Variants in MUC5AC observed in about 807,000 individuals in gnomAD.
MUC5AC encodes the protein mucin 5AC, oligomeric mucus/gel-forming.
Under a neutral mutation model 169.7 loss-of-function variants are expected in MUC5AC, and 158 were observed. The observed-to-expected ratio is 0.93, with a 90% confidence interval of 0.82 to 1.06. The LOEUF (loss-of-function observed/expected upper bound fraction) is 1.06. Ranked by LOEUF, MUC5AC falls within the 50% of genes least tolerant of loss-of-function variation. The probability of loss-of-function intolerance (pLI) is 0.00; values close to 1 mark genes in which losing one functional copy is unlikely to be tolerated. For missense variants in MUC5AC, 4,359 were observed against 3,089.9 expected, an observed-to-expected ratio of 1.41 and a Z score of -9.74; for synonymous variants, 1,975 against 1,237.0, an observed-to-expected ratio of 1.60 and a Z score of -12.52.
intron 2 of MUC5AC, 62 bp downstream of exon 2, chr11:1,160,751 A>G (rs987880419): frequency 2.6e-6 from 4 of 1,519,082 alleles, no homozygotes; most frequent in Non-Finnish European, 3.6e-6. Flanking sequence ...ACCGTGTGGC[A>G]CGGCCCCTAG....
chr11:1,165,878 C>T (rs1443021085), intron 11 of MUC5AC, 118 bp downstream of exon 11: 1 of 1,447,000 alleles, frequency 6.9e-7, no homozygotes, highest in Non-Finnish European at 9.4e-7. Context: ...CTTGGGGGTC[C>T]CCGATGTTGA....
Position 1,174,770 on chromosome 11 carries a change from C to T in MUC5AC, c.2093-112C>T, listed in dbSNP as rs960833835. ...GCGCCCAGGTCAGTGTGGCCTTGGA[C>T]CCGGCCGAGGAGGGGAGGGGAGGGT... On this transcript the variant is annotated intron_variant, in intron 17 of 48. Coordinates refer to ENST00000621226, the MANE Select transcript of MUC5AC (RefSeq NM_001304359.2). 4 of 462,912 alleles carry T rather than the reference C, an allele frequency of 8.6e-6. No homozygotes were observed. Among genetic ancestry groups the T allele is most frequent in the Non-Finnish European group, 1.5e-5 (4 of 261,248 alleles). The allele number at this position is 462,912 out of a possible 1,614,324, so 28.7% of individuals were successfully genotyped here. A position where few individuals can be genotyped will look rare whatever the true frequency, so the allele number is the denominator to read the frequency against.
In MUC5AC at chr11:1,192,938, C is replaced by T; in HGVS notation, c.14536C>T (p.Pro4846Ser). The T allele has an allele frequency of 2.7e-6, 2 of 752,594 alleles. No homozygotes were observed. The highest frequency in any genetic ancestry group is 4.9e-6 in the Non-Finnish European group (2 of 411,562). 46.6% of individuals were successfully genotyped at this position (752,594 alleles called of 1,614,324 possible). ...ATSPSISTSE[P>S]VTELGCPNAV... ...GTCCCCTTCAATATCCACCTCCGAG[C>T]CCGTCACTGAGCTGGGATGCCCAAA... Residue 4846 changes from proline (P) to serine (S), a missense_variant, in exon 32 of 49, where the codon CCC (proline) becomes TCC (serine). By Grantham distance (74) the Pro-to-Ser change is moderately conservative. Coordinates refer to ENST00000621226, the MANE Select transcript of MUC5AC (RefSeq NM_001304359.2).
At chr11:1,193,121 G>C in intron 32 of MUC5AC, 139 bp downstream of exon 32, 1 of 595,162 alleles carries the variant, frequency 1.7e-6, no homozygotes, top group Non-Finnish European at 3.0e-6. Context: ...TCAGGAGAGG[G>C]CCATGCTGTA....
intron 1 of MUC5AC, among the ~76,000 whole-genome samples, chr11:1,159,328 CG>C: frequency 6.6e-6 from 1 of 152,078 alleles, no homozygotes; most frequent in East Asian, 1.9e-4. Context: ...TGGGCTGGGC[CG>C]GGCGCCCCTC....
chr11:1,188,456 C>G lies in MUC5AC; in HGVS notation c.10311C>G (p.Ser3437Arg). 1.6e-6 allele frequency: 1 copy of G among 644,424 alleles called. No homozygotes were observed. The highest frequency in any genetic ancestry group is 1.8e-5 in the African/African-American group (1 of 55,800). 39.9% of individuals were successfully genotyped at this position (644,424 alleles called of 1,614,324 possible). Residue 3437 changes from serine (S) to arginine (R), a missense_variant, in exon 31 of 49, where the codon AGC (serine) becomes AGG (arginine). Physicochemically the swap from Ser to Arg is moderately radical, Grantham distance 110 (BLOSUM62 -1). Coordinates refer to ENST00000621226, the MANE Select transcript of MUC5AC (RefSeq NM_001304359.2). ...GCATAATCTCTGCCCCTACAACCAG[C>G]ACAACCTCTTCCCCTACAACCAGCA... ...TTSIISAPTTSTTSSPTTSTT... is the reference protein window; with the variant it reads ...TTSIISAPTTRTTSSPTTSTT...
chr11:1,165,168 G>T, intron 9 of MUC5AC, 134 bp from the exon 10 acceptor site: 1 of 814,066 alleles, frequency 1.2e-6, no homozygotes, highest in Non-Finnish European at 1.9e-6. Flanking sequence ...CCTGAGGCTG[G>T]CTGAGGCCCC....
intron 43 of MUC5AC, among the ~76,000 whole-genome samples, chr11:1,198,563 G>A (rs1332704664): frequency 2.6e-5 from 4 of 152,150 alleles, no homozygotes; most frequent in Non-Finnish European, 4.4e-5. Context: ...CCACAGCACA[G>A]CCAGGCCTGG....
Position 1,190,455 on chromosome 11 carries a change from A to G in MUC5AC, c.12310A>G (p.Ser4104Gly), listed in dbSNP as rs1270270599. 5.8e-6 allele frequency: 4 copies of G among 692,950 alleles called. No individual in the cohort carries two copies. Among genetic ancestry groups the G allele is most frequent in the Non-Finnish European group, 1.1e-5 (4 of 380,722 alleles). 42.9% of individuals were successfully genotyped at this position (692,950 alleles called of 1,614,324 possible). ...CAGCACAACCTCCACTCCACAGACC[A>G]GCACAACCTCTGCCCCTACAACCAG... ...TTSTTSTPQTSTTSAPTTSTI... is the reference protein window; with the variant it reads ...TTSTTSTPQTGTTSAPTTSTI... The change falls in exon 31 of 49, where the codon AGC becomes GGC. Residue 4104 changes from serine to glycine, a missense_variant. Coordinates refer to ENST00000621226, the MANE Select transcript of MUC5AC (RefSeq NM_001304359.2).
chr11:1,196,266 G>C (rs1861268239), intron 37 of MUC5AC, 122 bp from the exon 38 acceptor site: 1 of 687,358 alleles, frequency 1.5e-6, no homozygotes, highest in South Asian at 1.6e-5. Context: ...GGAGGCCGTA[G>C]CCAGGCCCAG....
rs987656975 is a variant in MUC5AC, at chr11:1,178,702, G to A, written c.3327+19G>A. 61 of 1,218,060 alleles carry A rather than the reference G, an allele frequency of 5.0e-5. No homozygotes were observed. The highest frequency in any genetic ancestry group is 7.8e-5 in the African/African-American group (5 of 64,346). 75.5% of individuals were successfully genotyped at this position (1,218,060 alleles called of 1,614,324 possible). A position where few individuals can be genotyped will look rare whatever the true frequency, so the allele number is the denominator to read the frequency against. ...CGCACACGTATGCTGGCCGGGGGGC[G>A]TTTCTCTGGGCCCAAGGGGGTCATG... is the stretch of plus-strand genomic sequence containing the variant. On this transcript the variant is annotated intron_variant, in intron 25 of 48. Coordinates refer to ENST00000621226, the MANE Select transcript of MUC5AC (RefSeq NM_001304359.2).
rs1490677796 is a variant in MUC5AC at position 1,189,741 on chromosome 11, G to C, written c.11596G>C (p.Ala3866Pro). The C allele has an allele frequency of 3.7e-6, 2 of 544,128 alleles. No individual in the cohort carries two copies. The highest frequency in any genetic ancestry group is 4.6e-5 in the African/African-American group (2 of 43,452). The allele number at this position is 544,128 out of a possible 1,614,324, so 33.7% of individuals were successfully genotyped here. ...SSAPTSSTTS[A>P]PTASTISAPT... is the part of the protein sequence containing the mutation. ...TGCCCCTACAAGCAGCACAACCTCT[G>C]CTCCTACAGCCAGCACAATCTCTGC... The change falls in exon 31 of 49, where the codon GCT becomes CCT. Residue 3866 changes from alanine to proline, a missense_variant. Transcript: ENST00000621226.
chr11:1,197,235 G>A (rs55836523), intron 40 of MUC5AC, among the ~76,000 whole-genome samples: 2,914 of 152,282 alleles, frequency 0.019, 105 homozygotes, highest in African/African-American at 0.066. Context: ...AGACTGTGGA[G>A]GTGTGAGGTG....
Position 1,189,201 on chromosome 11 carries a change from CCCAGCACAACCTCTGCCCCAACAA to C in MUC5AC, c.11073_11096del (p.Ala3707_Ser3714del), listed in dbSNP as rs1861022753. On this transcript the variant is annotated inframe_deletion, in exon 31 of 49. Coordinates refer to ENST00000621226, the MANE Select transcript of MUC5AC (RefSeq NM_001304359.2). ...AACTAGCACAACCCCTGCTTCTATA[CCCAGCACAACCTCTGCCCCAACAA>C]CCAGCACAACCTCTGCTCCCACAAC... The C allele has an allele frequency of 5.2e-6, 3 of 578,734 alleles. No homozygotes were observed. Among genetic ancestry groups the C allele is most frequent in the East Asian group, 5.7e-5 (2 of 35,186 alleles). 35.8% of individuals were successfully genotyped at this position (578,734 alleles called of 1,614,324 possible). A position where few individuals can be genotyped will look rare whatever the true frequency, so the allele number is the denominator to read the frequency against.
At chr11:1,170,805 C>CTACT (rs1860490612) in intron 15 of MUC5AC, among the ~76,000 whole-genome samples, 1 of 147,678 alleles carries the variant, frequency 6.8e-6, no homozygotes, top group African/African-American at 2.5e-5. Flanking sequence ...ACTCACTCAC[C>CTACT]CACTCACCCA....
intron 11 of MUC5AC, 68 bp downstream of exon 11, chr11:1,165,828 C>T (rs1860308220): frequency 6.3e-7 from 1 of 1,596,020 alleles, no homozygotes. Flanking sequence ...CACAGGCTCC[C>T]CCAGCTTGGC....
chr11:1,168,421 TCCG>T, intron 12 of MUC5AC, 59 bp from the exon 13 acceptor site: 1 of 1,520,408 alleles, frequency 6.6e-7, no homozygotes, highest in Non-Finnish European at 9.0e-7. Context: ...TTTCACAGCC[TCCG>T]CGGGGCTGAG....
chr11:1,182,631 T>C lies in MUC5AC; in HGVS notation c.4486T>C (p.Ser1496Pro). The C allele has an allele frequency of 2.5e-6, 1 of 398,916 alleles. No individual in the cohort carries two copies. The highest frequency in any genetic ancestry group is 3.6e-5 in the East Asian group (1 of 28,078). 24.7% of individuals were successfully genotyped at this position (398,916 alleles called of 1,614,324 possible). Residue 1496 changes from serine (S) to proline (P), a missense_variant, in exon 31 of 49, where the codon TCC becomes CCC. Ser to Pro is a moderately conservative substitution (Grantham distance 74). Coordinates refer to ENST00000621226, the MANE Select transcript of MUC5AC (RefSeq NM_001304359.2). ...SPAQTTPPTT[S>P]KTTETRASGS... ...AGCCCAGACCACTCCTCCAACTACC[T>C]CCAAGACCACTGAAACCCGGGCCTC... is the stretch of plus-strand genomic sequence containing the variant.
At position 1,185,806 on chromosome 11, in the gene MUC5AC, GCAGCACAACCTCTGCCACTACAAC is replaced by G. The variant is rs1860928377; in HGVS notation, c.7676_7699del (p.Ala2559_Ser2566del). 4 of 676,432 alleles carry G rather than the reference GCAGCACAACCTCTGCCACTACAAC, an allele frequency of 5.9e-6. No homozygotes were observed. The African/African-American group carries it at 6.8e-5, about 11-fold the overall frequency. 41.9% of individuals were successfully genotyped at this position (676,432 alleles called of 1,614,324 possible). On this transcript the variant is annotated inframe_deletion, in exon 31 of 49. Transcript: ENST00000621226. ...ACCAGCACAACCTCTGCCCCTATAA[GCAGCACAACCTCTGCCACTACAAC>G]CAGCACAACCTCTGGTCCTGGAACT...
Sources: gnomAD v4.1 joint callset for allele counts (sites outside exome capture counted in the v4.1 genomes callset) on GRCh38, gnomAD v4.1.1 for gene constraint, MANE v1.5 for transcripts, NCBI Gene and HGNC (gene_info 2026-07-23, HGNC 2026-07-21) for gene names.